NUP210L: variants seen among roughly 807,000 people sequenced by gnomAD.
NUP210L encodes the protein nucleoporin 210 like.
NUP210L carries 74 observed loss-of-function variants against 208.5 expected under a neutral mutation model. That is an observed-to-expected ratio of 0.35 (90% CI 0.29 to 0.43). NUP210L has a LOEUF of 0.43. NUP210L is among the 20% of genes least tolerant of loss of function. The probability of loss-of-function intolerance (pLI) is 1.00; values close to 1 mark genes in which losing one functional copy is unlikely to be tolerated. For missense variants in NUP210L, 1,843 were observed against 2,289.4 expected (o/e 0.81, Z 3.98); for synonymous variants, 780 against 816.9 (o/e 0.95, Z 0.77).
chr1:154,006,946 G>GTGTATATATATATATA (rs767785200), intron 35 of NUP210L, among the ~76,000 whole-genome samples: 6 of 95,420 alleles, frequency 6.3e-5, no homozygotes, highest in African/African-American at 2.4e-4. Flanking sequence ...GTGTGTGTGT[G>GTGTATATATATATATA]TATATATATA....
At chr1:154,154,994 G>C in exon 1 of NUP210L, 1 of 1,613,874 alleles carries the variant, frequency 6.2e-7, no homozygotes. Context: ...GACGCAAGAA[G>C]AAAAAGAGCC....
chr1:154,083,105 A>G (rs1014772838), intron 16 of NUP210L, among the ~76,000 whole-genome samples: 1 of 152,188 alleles, frequency 6.6e-6, no homozygotes, highest in Non-Finnish European at 1.5e-5. Context: ...AATATTCCGC[A>G]GCACAGAAAA....
At chr1:154,020,663 A>G (rs1358938727) in intron 32 of NUP210L, among the ~76,000 whole-genome samples, 1 of 152,014 alleles carries the variant, frequency 6.6e-6, no homozygotes, top group Non-Finnish European at 1.5e-5. Flanking sequence ...AGTAGCTGGG[A>G]CTACAGGCAC....
chr1:154,001,287 T>A (rs897251853), intron 36 of NUP210L, among the ~76,000 whole-genome samples: 4 of 152,118 alleles, frequency 2.6e-5, no homozygotes, highest in Non-Finnish European at 5.9e-5. Flanking sequence ...AACCTCTGCC[T>A]CCCGGGTTCA....
At position 154,001,065 on chromosome 1, in the gene NUP210L, G is replaced by A; in HGVS notation, c.5182-5C>T. On this transcript the variant is annotated splice_region_variant and splice_polypyrimidine_tract_variant and intron_variant, in intron 36 of 39. Transcript: ENST00000368559. ...AACTGGGGAGCTGGAGATGACCTTGGAGAAAAGATAAAACCTTTTATTTAA... is the reference window on the plus strand; with the variant it reads ...AACTGGGGAGCTGGAGATGACCTTGAAGAAAAGATAAAACCTTTTATTTAA... 6.2e-7 allele frequency: 1 copy of A among 1,611,946 alleles called. No homozygotes were observed. The highest frequency in any genetic ancestry group is 8.5e-7 in the Non-Finnish European group (1 of 1,178,986).
intron 27 of NUP210L, among the ~76,000 whole-genome samples, chr1:154,043,151 C>A (rs1484332443): frequency 6.7e-6 from 1 of 149,428 alleles, no homozygotes; most frequent in African/African-American, 2.5e-5. Context: ...TCCTGAGTAG[C>A]TGGGATTACA....
chr1:153,994,812 G>A (rs1008435048), intron 38 of NUP210L, among the ~76,000 whole-genome samples: 3 of 150,940 alleles, frequency 2.0e-5, no homozygotes, highest in African/African-American at 7.3e-5. Flanking sequence ...AGGAGTTCAA[G>A]ACCAGCCTGG....
chr1:154,064,902 C>G (rs1347638979), intron 17 of NUP210L, among the ~76,000 whole-genome samples: 1 of 151,662 alleles, frequency 6.6e-6, no homozygotes, highest in Non-Finnish European at 1.5e-5. Context: ...TAGTGAAACC[C>G]TGTCTCTACT....
chr1:154,083,986 G>A (rs1300128191), intron 16 of NUP210L, among the ~76,000 whole-genome samples: 4 of 151,186 alleles, frequency 2.6e-5, no homozygotes, highest in Non-Finnish European at 4.4e-5. Flanking sequence ...TAGAGATGGT[G>A]GTAGTCTCAA....
At chr1:154,129,246 C>T (rs778951577) in intron 8 of NUP210L, 31 bp downstream of exon 8, 1 of 1,347,274 alleles carries the variant, frequency 7.4e-7, no homozygotes, top group Non-Finnish European at 1.1e-6. Context: ...TTTAAGCTAT[C>T]CACCTTTCTG....
intron 15 of NUP210L, among the ~76,000 whole-genome samples, chr1:154,090,711 T>C (rs1328280754): frequency 1.3e-5 from 2 of 151,900 alleles, no homozygotes; most frequent in Non-Finnish European, 2.9e-5. Context: ...CTTGGGAGAC[T>C]GAGGCAAGAG....
At chr1:154,000,046 G>T (rs776094981) in intron 37 of NUP210L, among the ~76,000 whole-genome samples, 2 of 151,974 alleles carry the variant, frequency 1.3e-5, no homozygotes, top group Non-Finnish European at 2.9e-5. Flanking sequence ...CCCCAGGCTG[G>T]TCTTGAACTC....
intron 23 of NUP210L, 30 bp downstream of exon 23, chr1:154,056,785 T>C: frequency 1.3e-6 from 2 of 1,543,702 alleles, no homozygotes; most frequent in Non-Finnish European, 1.7e-6. Flanking sequence ...CAAGAAAAAG[T>C]ACAAATTTTG....
chr1:154,147,627 C>T (rs912708439), intron 2 of NUP210L, among the ~76,000 whole-genome samples: 4 of 151,668 alleles, frequency 2.6e-5, no homozygotes, highest in Admixed American at 6.6e-5. Context: ...TACAGGCCTC[C>T]GGAGCTAGTG....
Position 154,130,198 on chromosome 1 carries a change from G to C in NUP210L, c.1010-853C>G, listed in dbSNP as rs994448926. 4.6e-5 allele frequency among the ~76,000 whole-genome samples: 7 copies of C among 152,142 alleles called. No individual in the cohort carries two copies. The East Asian group carries it at 9.8e-4, about 21-fold the overall frequency. ...TACTAAAAATACAAAAATTAGCCAG[G>C]TGTGGTGGCAGGCACCCGTAATCTC... On this transcript the variant is annotated intron_variant, in intron 7 of 39. Coordinates refer to ENST00000368559, the Ensembl canonical transcript of NUP210L.
At chr1:154,102,707 G>A (rs1656529620) in intron 13 of NUP210L, among the ~76,000 whole-genome samples, 2 of 152,072 alleles carry the variant, frequency 1.3e-5, no homozygotes, top group African/African-American at 4.8e-5. Flanking sequence ...AAACAATGGG[G>A]ATCAGGATCA....
intron 12 of NUP210L, among the ~76,000 whole-genome samples, chr1:154,105,142 TC>T (rs1489715559): frequency 1.3e-4 from 20 of 152,340 alleles, no homozygotes; most frequent in African/African-American, 4.8e-4. Context: ...GAACCTGCTG[TC>T]TTGAAAGGAA....
At chr1:154,044,748 T>G (rs1653081240) in intron 27 of NUP210L, among the ~76,000 whole-genome samples, 1 of 152,214 alleles carries the variant, frequency 6.6e-6, no homozygotes, top group African/African-American at 2.4e-5. Flanking sequence ...CTGGGTATCA[T>G]GGCCCCATGT....
At chr1:154,016,975 C>CA (rs745918406) in intron 33 of NUP210L, among the ~76,000 whole-genome samples, 2 of 150,898 alleles carry the variant, frequency 1.3e-5, no homozygotes, top group Non-Finnish European at 3.0e-5. Context: ...CAAAAAAAAA[C>CA]AAAAAAACAC....
Sources: gnomAD v4.1 joint callset for allele counts (sites outside exome capture counted in the v4.1 genomes callset) on GRCh38, gnomAD v4.1.1 for gene constraint, MANE v1.5 for transcripts, NCBI Gene and HGNC (gene_info 2026-07-23, HGNC 2026-07-21) for gene names.